The following CNTN5 variants were observed in gnomAD, a reference collection of about 807,000 sequenced individuals.
CNTN5 encodes contactin-5.
CNTN5 carries 77 observed loss-of-function variants against 129.1 expected under a neutral mutation model. The observed-to-expected ratio is 0.60, with a 90% confidence interval of 0.50 to 0.72. The LOEUF (loss-of-function observed/expected upper bound fraction) is 0.72, where lower values mean the gene tolerates loss of function less well. Among genes scored for constraint, CNTN5 ranks in the 30% least tolerant of loss-of-function variants. The pLI, the probability that CNTN5 is intolerant of heterozygous loss-of-function variation, is 0.00. For synonymous variants in CNTN5, 509 were observed against 465.6 expected (o/e 1.09, Z -1.20); for missense variants, 1,478 against 1,328.8 (o/e 1.11, Z -1.75).
chr11:99,340,893 T>A (rs1866481744), intron 2 of CNTN5, among the ~76,000 whole-genome samples: 1 of 152,188 alleles, frequency 6.6e-6, no homozygotes, highest in South Asian at 2.1e-4. Context: ...AAATTATATT[T>A]TCAGGCTGCT....
At chr11:99,981,670 T>C (rs1464899825) in intron 8 of CNTN5, among the ~76,000 whole-genome samples, 1 of 152,206 alleles carries the variant, frequency 6.6e-6, no homozygotes, top group Non-Finnish European at 1.5e-5. Context: ...AAAGTTCTTA[T>C]GAGGAATTGG....
At chr11:100,005,190 C>G (rs953173865) in intron 9 of CNTN5, among the ~76,000 whole-genome samples, 12 of 152,136 alleles carry the variant, frequency 7.9e-5, no homozygotes, top group African/African-American at 2.9e-4. Context: ...TAAAAATATT[C>G]CATCTACTTA....
intron 8 of CNTN5, among the ~76,000 whole-genome samples, chr11:99,961,260 A>G (rs1294429417): frequency 6.6e-6 from 1 of 150,458 alleles, no homozygotes; most frequent in Non-Finnish European, 1.5e-5. Context: ...CCAAGGGGAA[A>G]TAAGGGTTTC....
chr11:99,128,956 A>T (rs1170398214), intron 1 of CNTN5, among the ~76,000 whole-genome samples: 5 of 152,200 alleles, frequency 3.3e-5, no homozygotes, highest in African/African-American at 1.2e-4. Context: ...CTATCCGAAG[A>T]TTGACAGCCT....
At position 99,396,448 on chromosome 11, in the gene CNTN5, G is replaced by A. The variant is rs2055599; in HGVS notation, c.-71+70964G>A. On this transcript the variant is annotated intron_variant, in intron 2 of 24. Coordinates refer to ENST00000524871, the MANE Select transcript of CNTN5 (RefSeq NM_014361.4). ...AATTATGTTATTTATAGTTGTGGTT[G>A]TGTAAAACAGGACCTGTTTTTATAA... is the stretch of plus-strand genomic sequence containing the variant. Among the ~76,000 whole-genome samples the A allele has an allele frequency of 7.9e-3, 1,197 of 151,528 alleles. 78 individuals are homozygous for A. In the East Asian group the frequency reaches 0.14, roughly 18 times the overall value.
chr11:99,911,621 TC>T (rs1949661498), intron 6 of CNTN5, among the ~76,000 whole-genome samples: 2 of 152,056 alleles, frequency 1.3e-5, no homozygotes, highest in East Asian at 3.9e-4. Flanking sequence ...GTACTCTATT[TC>T]CCTCCAACAC....
chr11:100,241,887 C>G (rs1274513792), intron 16 of CNTN5, among the ~76,000 whole-genome samples: 2 of 152,258 alleles, frequency 1.3e-5, no homozygotes, highest in South Asian at 2.1e-4. Flanking sequence ...ACATTTGTTA[C>G]AAAACCTTAC....
chr11:99,420,361 T>C (rs1387699043), intron 2 of CNTN5, among the ~76,000 whole-genome samples: 2 of 152,244 alleles, frequency 1.3e-5, no homozygotes, highest in Admixed American at 6.5e-5. Flanking sequence ...TTAATTTTCA[T>C]GCAGTGTGCA....
intron 3 of CNTN5, among the ~76,000 whole-genome samples, chr11:99,783,163 A>C (rs1292463203): frequency 1.2e-5 from 1 of 86,350 alleles, no homozygotes; most frequent in Non-Finnish European, 2.4e-5. Context: ...GGCGAAGGAC[A>C]TGAACAGACA....
At position 99,916,116 on chromosome 11, in the gene CNTN5, G is replaced by C; in HGVS notation, c.640G>C (p.Val214Leu). 6.2e-7 allele frequency: 1 copy of C among 1,612,166 alleles called. No homozygotes were observed. The highest frequency in any genetic ancestry group is 8.5e-7 in the Non-Finnish European group (1 of 1,179,078). Residue 214 changes from valine to leucine, a missense_variant, in exon 7 of 25, where the codon GTT becomes CTT. Transcript: ENST00000524871. Reference sequence around the variant, plus strand: ...CTCTGTGAGGGAAGGCCAGGGTGTCGTTCTGATGTGCTCTCCTCCGCCACA... The same window carrying C: ...CTCTGTGAGGGAAGGCCAGGGTGTCCTTCTGATGTGCTCTCCTCCGCCACA... ...AVSVREGQGV[V>L]LMCSPPPHSP...
intron 2 of CNTN5, among the ~76,000 whole-genome samples, chr11:99,354,950 A>G (rs1373594848): frequency 6.6e-6 from 1 of 152,058 alleles, no homozygotes; most frequent in Admixed American, 6.6e-5. Context: ...CCTAAATACT[A>G]TGGACAGACA....
chr11:99,610,473 T>C (rs1048553075), intron 3 of CNTN5, among the ~76,000 whole-genome samples: 4 of 152,160 alleles, frequency 2.6e-5, no homozygotes, highest in African/African-American at 7.2e-5. Flanking sequence ...TTAGAACATA[T>C]TTTGTTTTCC....
At chr11:99,807,280 T>G (rs1946302350) in intron 3 of CNTN5, among the ~76,000 whole-genome samples, 1 of 152,198 alleles carries the variant, frequency 6.6e-6, no homozygotes, top group Non-Finnish European at 1.5e-5. Flanking sequence ...GAAAACAGTT[T>G]TAGCAGTAGC....
At chr11:99,732,621 G>A (rs116259574) in intron 3 of CNTN5, among the ~76,000 whole-genome samples, 23 of 152,314 alleles carry the variant, frequency 1.5e-4, no homozygotes, top group African/African-American at 4.8e-4. Context: ...AAGGCCTGGC[G>A]GACTTGGCAG....
At chr11:100,062,454 C>A (rs1307695132) in intron 10 of CNTN5, among the ~76,000 whole-genome samples, 1 of 152,224 alleles carries the variant, frequency 6.6e-6, no homozygotes, top group Non-Finnish European at 1.5e-5. Context: ...TTTATCCATT[C>A]ATTCATTGAT....
At chr11:100,163,600 GTCCTGAAATCAA>G (rs757325837) in intron 13 of CNTN5, among the ~76,000 whole-genome samples, 90 of 151,772 alleles carry the variant, frequency 5.9e-4, no homozygotes, top group Non-Finnish European at 1.0e-3. Context: ...AATACCAGAG[GTCCTGAAATCAA>G]TCAATCAGTT....
At chr11:99,203,599 G>C (rs540140265) in intron 1 of CNTN5, among the ~76,000 whole-genome samples, 2 of 151,736 alleles carry the variant, frequency 1.3e-5, no homozygotes, top group South Asian at 2.1e-4. Flanking sequence ...TTGGGTGGGG[G>C]GTGGTGGTGG....
At chr11:99,427,896 C>T (rs1046528857) in intron 2 of CNTN5, among the ~76,000 whole-genome samples, 7 of 151,426 alleles carry the variant, frequency 4.6e-5, no homozygotes, top group African/African-American at 1.7e-4. Context: ...AATATCAAAC[C>T]CAATCTCTAG....
chr11:100,353,906 AC>A (rs1045129641), intron 24 of CNTN5, among the ~76,000 whole-genome samples: 2 of 150,866 alleles, frequency 1.3e-5, no homozygotes, highest in South Asian at 2.1e-4. Context: ...AACTAAAACT[AC>A]CCCCCCAAAT....
Sources: allele counts gnomAD v4.1 joint callset (sites outside exome capture counted in the v4.1 genomes callset), GRCh38; gene constraint gnomAD v4.1.1; transcripts MANE v1.5; gene names NCBI Gene and HGNC (gene_info 2026-07-23, HGNC 2026-07-21).